The following RSPRY1 variants were observed in gnomAD, a reference collection of about 807,000 sequenced individuals.
RSPRY1 encodes the protein RING finger and SPRY domain-containing protein 1.
Under a neutral mutation model 73.1 loss-of-function variants are expected in RSPRY1, and 23 were observed. That is an observed-to-expected ratio of 0.31 (90% CI 0.23 to 0.45). RSPRY1 has a LOEUF of 0.45. RSPRY1 is among the 20% of genes least tolerant of loss of function. The pLI, the probability that RSPRY1 is intolerant of heterozygous loss-of-function variation, is 1.00. For missense variants in RSPRY1, 448 were observed against 698.7 expected, an observed-to-expected ratio of 0.64 and a Z score of 4.05; for synonymous variants, 226 against 251.4, an observed-to-expected ratio of 0.90 and a Z score of 0.95.
intron 1 of RSPRY1, among the ~76,000 whole-genome samples, chr16:57,200,957 G>A (rs1316604678): frequency 1.5e-5 from 2 of 135,378 alleles, no homozygotes; most frequent in Non-Finnish European, 3.3e-5. Flanking sequence ...CGGGGGGGGG[G>A]GGGGCTGACC....
intron 6 of RSPRY1, among the ~76,000 whole-genome samples, chr16:57,214,714 A>G (rs2074907678): frequency 6.6e-6 from 1 of 152,248 alleles, no homozygotes; most frequent in Non-Finnish European, 1.5e-5. Context: ...GGATGTGATC[A>G]TGGGAGAAAG....
intron 1 of RSPRY1, among the ~76,000 whole-genome samples, chr16:57,194,223 G>C (rs865906745): frequency 1.5e-4 from 23 of 152,062 alleles, no homozygotes; most frequent in Non-Finnish European, 2.9e-4. Flanking sequence ...AAAACTGAAT[G>C]GATTAATGAT....
At chr16:57,217,490 C>G (rs1356324525) in intron 8 of RSPRY1, among the ~76,000 whole-genome samples, 1 of 152,148 alleles carries the variant, frequency 6.6e-6, no homozygotes, top group Non-Finnish European at 1.5e-5. Flanking sequence ...CCTGATTTTT[C>G]TCTTTTCCTC....
chr16:57,222,543 G>T (rs1395895264), intron 10 of RSPRY1, among the ~76,000 whole-genome samples: 2 of 152,196 alleles, frequency 1.3e-5, no homozygotes, highest in Non-Finnish European at 1.5e-5. Flanking sequence ...CCTGTCTGGG[G>T]TGGAGAACTA....
At chr16:57,196,164 T>G (rs2074443605) in intron 1 of RSPRY1, among the ~76,000 whole-genome samples, 1 of 152,104 alleles carries the variant, frequency 6.6e-6, no homozygotes, top group South Asian at 2.1e-4. Context: ...TAGGTTCATT[T>G]TGATGCTTCG....
rs1481722136 is a variant in RSPRY1 at position 57,213,823 on chromosome 16, T to A, written c.644-65T>A. 1.6e-5 allele frequency: 19 copies of A among 1,163,030 alleles called. No individual in the cohort carries two copies. In the Admixed American group the frequency reaches 3.2e-4, roughly 20 times the overall value. The allele number at this position is 1,163,030 out of a possible 1,614,324, so 72.0% of individuals were successfully genotyped here. ...AAGAGTTCTACCAAAACAATTTGAT[T>A]GTTACCAGTGATTTAAAATAATCTG... On this transcript the variant is annotated intron_variant, in intron 5 of 14. Coordinates refer to ENST00000394420, the MANE Select transcript of RSPRY1 (RefSeq NM_133368.3).
intron 1 of RSPRY1, among the ~76,000 whole-genome samples, chr16:57,199,834 ATT>A (rs2146204413): frequency 1.7e-5 from 1 of 59,796 alleles, no homozygotes; most frequent in African/African-American, 7.0e-5. Flanking sequence ...TATCAGTGAA[ATT>A]TCTTTTTTTT....
In RSPRY1 at chr16:57,239,080, T is replaced by TTA. The variant is rs2075343673; in HGVS notation, c.*108_*109dup. ...TAATCAGTTGTACACACATTGAAAC[T>TTA]TATAGCCATGGCCAGATTTTATGCT... On this transcript the variant is annotated 3_prime_UTR_variant, in exon 15 of 15. Coordinates refer to ENST00000394420, the MANE Select transcript of RSPRY1 (RefSeq NM_133368.3). The TTA allele has an allele frequency of 2.1e-6, 1 of 471,112 alleles. No individual in the cohort carries two copies. Among genetic ancestry groups the TTA allele is most frequent in the Non-Finnish European group, 3.6e-6 (1 of 277,872 alleles). 29.2% of individuals were successfully genotyped at this position (471,112 alleles called of 1,614,324 possible).
chr16:57,213,223 A>G, intron 5 of RSPRY1, 125 bp downstream of exon 5: 1 of 883,552 alleles, frequency 1.1e-6, no homozygotes, highest in Non-Finnish European at 1.6e-6. Context: ...ATATTGAGAG[A>G]CATAGACTAA....
chr16:57,224,805 A>G (rs1487840347), intron 10 of RSPRY1, among the ~76,000 whole-genome samples: 2 of 152,240 alleles, frequency 1.3e-5, no homozygotes, highest in Non-Finnish European at 2.9e-5. Flanking sequence ...CCAGTCATCA[A>G]AGACATTGCA....
At chr16:57,209,006 C>A in intron 3 of RSPRY1, 69 bp from the exon 4 acceptor site, 1 of 1,035,396 alleles carries the variant, frequency 9.7e-7, no homozygotes, top group Non-Finnish European at 1.5e-6. Flanking sequence ...GTGAATTGAT[C>A]TCGTGTGACA....
At chr16:57,197,207 A>G (rs927606781) in intron 1 of RSPRY1, among the ~76,000 whole-genome samples, 1 of 152,128 alleles carries the variant, frequency 6.6e-6, no homozygotes, top group African/African-American at 2.4e-5. Context: ...CCTGCAGTCC[A>G]TCACTTCTCT....
chr16:57,240,384 A>G lies in RSPRY1; in HGVS notation c.*1409A>G, dbSNP rs1326429527. ...AAAAAATATATATATATATAAATAT[A>G]TATGTAGGATACATGTTCTCTTCTT... On this transcript the variant is annotated 3_prime_UTR_variant, in exon 15 of 15. Coordinates refer to ENST00000394420, the MANE Select transcript of RSPRY1 (RefSeq NM_133368.3). 4.6e-5 allele frequency: 7 copies of G among 151,664 alleles called. No homozygotes were observed. The highest frequency in any genetic ancestry group is 1.7e-4 in the African/African-American group (7 of 41,342). 9.4% of individuals were successfully genotyped at this position (151,664 alleles called of 1,614,324 possible).
At chr16:57,213,973 T>G (rs1322925867) in intron 6 of RSPRY1, 27 bp downstream of exon 6, 10 of 1,500,552 alleles carry the variant, frequency 6.7e-6, no homozygotes, top group Non-Finnish European at 8.4e-6. Context: ...AACTATTTAT[T>G]CTTAGTCATC....
chr16:57,235,194 G>A lies in RSPRY1; in HGVS notation c.1600G>A (p.Val534Ile), dbSNP rs765218951. Residue 534 changes from valine to isoleucine, a missense_variant, in exon 14 of 15, where the codon GTA becomes ATA. Physicochemically the swap from Val to Ile is conservative, Grantham distance 29. Coordinates refer to ENST00000394420, the MANE Select transcript of RSPRY1 (RefSeq NM_133368.3). Reference protein sequence around the residue: ...ENCCSLCCDEVADTQLKPCGH... With the variant: ...ENCCSLCCDEIADTQLKPCGH... ...CTGCTGTTCCCTTTGTTGTGATGAG[G>A]TAGCAGACACACAATTGAAGCCATG... The A allele has an allele frequency of 1.3e-5, 21 of 1,614,054 alleles. No individual in the cohort carries two copies. Among genetic ancestry groups the A allele is most frequent in the Non-Finnish European group, 1.8e-5 (21 of 1,179,916 alleles).
chr16:57,215,790 T>C (rs1343390373), intron 6 of RSPRY1, among the ~76,000 whole-genome samples: 1 of 152,382 alleles, frequency 6.6e-6, no homozygotes, highest in Non-Finnish European at 1.5e-5. Flanking sequence ...AGAATGAATA[T>C]TTTATTTAAC....
At chr16:57,200,962 C>G (rs1597867153) in intron 1 of RSPRY1, among the ~76,000 whole-genome samples, 2 of 68,236 alleles carry the variant, frequency 2.9e-5, no homozygotes, top group Non-Finnish European at 6.3e-5. Context: ...GGGGGGGGGG[C>G]TGACCCCCCC....
At chr16:57,226,894 C>T (rs1165516648) in intron 10 of RSPRY1, among the ~76,000 whole-genome samples, 1 of 152,190 alleles carries the variant, frequency 6.6e-6, no homozygotes, top group African/African-American at 2.4e-5. Context: ...GTTTGAATGC[C>T]TCTGACAATC....
chr16:57,232,052 A>G (rs536849407), intron 13 of RSPRY1, among the ~76,000 whole-genome samples: 1 of 152,328 alleles, frequency 6.6e-6, no homozygotes, highest in African/African-American at 2.4e-5. Flanking sequence ...TATCATTTTA[A>G]ACAGAGCAGC....
Sources: allele counts gnomAD v4.1 joint callset (sites outside exome capture counted in the v4.1 genomes callset), GRCh38; gene constraint gnomAD v4.1.1; transcripts MANE v1.5; gene names NCBI Gene and HGNC (gene_info 2026-07-23, HGNC 2026-07-21).